Variants in FBXL2 observed in about 807,000 individuals in gnomAD.
FBXL2 encodes the protein F-box/LRR-repeat protein 2.
A neutral mutation model predicts 69.2 loss-of-function variants in FBXL2; 38 were observed. The observed-to-expected ratio is 0.55, with a 90% CI of 0.42 to 0.72. The LOEUF is 0.72. Ranked by LOEUF, FBXL2 falls within the 30% of genes least tolerant of loss-of-function variation. The pLI is 0.00. For missense variants in FBXL2, 354 were observed against 520.3 expected (o/e 0.68, Z 3.11); for synonymous variants, 192 against 201.3 (o/e 0.95, Z 0.39).
chr3:33,410,900 C>T, the FBXL2 span, among the ~76,000 whole-genome samples: 4 of 151,760 alleles, frequency 2.6e-5, no homozygotes, highest in Non-Finnish European at 5.9e-5. Context: ...GGTGAAACCC[C>T]CATCTCTACT....
intron 5 of FBXL2, among the ~76,000 whole-genome samples, chr3:33,369,054 AG>A (rs1473991777): frequency 7.6e-6 from 1 of 132,134 alleles, no homozygotes; most frequent in African/African-American, 2.9e-5. Flanking sequence ...TTCTTCTTTT[AG>A]ATTTTTTTTT....
intron 1 of FBXL2, among the ~76,000 whole-genome samples, chr3:33,285,844 G>A (rs189198060): frequency 3.9e-5 from 6 of 152,052 alleles, no homozygotes; most frequent in East Asian, 1.9e-4. Context: ...ACTGAAGCTT[G>A]TGCATGCATC....
At chr3:33,388,106 C>T (rs2043581722), downstream of FBXL2, 1 of 130,176 alleles carries the variant, frequency 7.7e-6, no homozygotes, top group South Asian at 2.4e-4. Context: ...GGTTTGCTTC[C>T]TTTTAAAGTC....
At position 33,372,862 on chromosome 3, in the gene FBXL2, TC is replaced by T. The variant is rs762842328; in HGVS notation, c.291-227del. On this transcript the variant is annotated intron_variant, in intron 5 of 14. Coordinates refer to ENST00000484457, the MANE Select transcript of FBXL2 (RefSeq NM_012157.5). ...TAGGACTCTGCTTCTCAAAACGTGG[TC>T]CCTAGACTAGCAGCACTGGCATCAC... The T allele has an allele frequency of 1.1e-4, 68 of 595,796 alleles. 1 individual carries two copies. Among genetic ancestry groups the T allele is most frequent in the East Asian group, 8.6e-4 (31 of 35,840 alleles). The allele number at this position is 595,796 out of a possible 1,614,324, so 36.9% of individuals were successfully genotyped here. A position where few individuals can be genotyped will look rare whatever the true frequency, so the allele number is the denominator to read the frequency against.
In FBXL2 at chr3:33,336,969, C is replaced by T. The variant is rs932215938; in HGVS notation, c.66-21998C>T. Reference sequence around the variant, plus strand: ...TCTGTAATCCTAGCACTTTGGGAGGCCGAGGTGGGCGGATTGCCTGAGCTC... The same window carrying T: ...TCTGTAATCCTAGCACTTTGGGAGGTCGAGGTGGGCGGATTGCCTGAGCTC... On this transcript the variant is annotated intron_variant, in intron 2 of 14. Transcript: ENST00000484457. Among the ~76,000 whole-genome samples, 5 of 152,088 alleles carry T rather than the reference C, an allele frequency of 3.3e-5. No homozygotes were observed. In the South Asian group the frequency reaches 1.0e-3, roughly 32 times the overall value.
intron 2 of FBXL2, among the ~76,000 whole-genome samples, chr3:33,328,233 T>C (rs763293437): frequency 2.0e-5 from 3 of 152,144 alleles, no homozygotes; most frequent in Non-Finnish European, 4.4e-5. Context: ...CATCCCATGC[T>C]CATGGATCAG....
chr3:33,406,588 G>A (rs2044433433), downstream of FBXL2, among the ~76,000 whole-genome samples: 1 of 152,214 alleles, frequency 6.6e-6, no homozygotes, highest in Admixed American at 6.5e-5. Flanking sequence ...GCATGGCAGA[G>A]TAATGTAGAA....
downstream of FBXL2, chr3:33,391,305 T>C (rs1483573526): frequency 6.6e-6 from 1 of 152,260 alleles, no homozygotes; most frequent in Non-Finnish European, 1.5e-5. Flanking sequence ...CACCTGACTT[T>C]TAAAACAGTC....
intron 12 of FBXL2, chr3:33,397,147 CA>C (rs1201866455): frequency 6.4e-7 from 1 of 1,560,510 alleles, no homozygotes; most frequent in Admixed American, 2.1e-5. Flanking sequence ...TAGAGAAGAG[CA>C]AAAATATTTT....
chr3:33,407,673 G>A (rs1349771343), downstream of FBXL2, among the ~76,000 whole-genome samples: 1 of 151,988 alleles, frequency 6.6e-6, no homozygotes, highest in Non-Finnish European at 1.5e-5. Context: ...TACTATAATT[G>A]GAAATGAGTT....
chr3:33,292,124 A>G (rs1269553957), intron 1 of FBXL2, among the ~76,000 whole-genome samples: 1 of 152,238 alleles, frequency 6.6e-6, no homozygotes, highest in Non-Finnish European at 1.5e-5. Flanking sequence ...TCATGCTTGT[A>G]ATCACAGCAC....
intron 2 of FBXL2, among the ~76,000 whole-genome samples, chr3:33,338,659 A>G (rs1286296159): frequency 6.6e-6 from 1 of 152,336 alleles, no homozygotes; most frequent in African/African-American, 2.4e-5. Context: ...CAAAGCCACC[A>G]ATAACAAGCA....
At chr3:33,410,898 C>T in the FBXL2 span, among the ~76,000 whole-genome samples, 2,114 of 151,706 alleles carry the variant, frequency 0.014, 21 homozygotes, top group South Asian at 0.026. Context: ...ATGGTGAAAC[C>T]CCCATCTCTA....
intron 1 of FBXL2, among the ~76,000 whole-genome samples, chr3:33,295,674 G>A (rs1352628497): frequency 2.6e-5 from 4 of 152,196 alleles, no homozygotes; most frequent in Non-Finnish European, 4.4e-5. Flanking sequence ...GTTTTCCAAA[G>A]TGGCTATGCC....
chr3:33,408,149 G>C (rs749652550), downstream of FBXL2, among the ~76,000 whole-genome samples: 10 of 151,964 alleles, frequency 6.6e-5, no homozygotes, highest in Non-Finnish European at 1.2e-4. Flanking sequence ...TGCCAAACAG[G>C]CTCTTAGAAG....
At chr3:33,293,961 A>C (rs1253639322) in intron 1 of FBXL2, among the ~76,000 whole-genome samples, 3 of 152,248 alleles carry the variant, frequency 2.0e-5, no homozygotes, top group Non-Finnish European at 4.4e-5. Context: ...CAGGACAGAC[A>C]TATGTAAGAC....
At chr3:33,402,992 A>T (rs933201613) in intron 12 of FBXL2, 7 of 1,141,102 alleles carry the variant, frequency 6.1e-6, no homozygotes, top group African/African-American at 1.5e-5. Flanking sequence ...AACCAAATGC[A>T]AGATTATAAA....
chr3:33,316,245 A>G (rs1020366037), intron 2 of FBXL2, among the ~76,000 whole-genome samples: 2 of 151,772 alleles, frequency 1.3e-5, no homozygotes, highest in Admixed American at 1.3e-4. Flanking sequence ...TTTAGTAGAG[A>G]TGGGGTTTCA....
chr3:33,334,365 A>G (rs78544380), intron 2 of FBXL2, among the ~76,000 whole-genome samples: 2,766 of 152,332 alleles, frequency 0.018, 32 homozygotes, highest in South Asian at 0.036. Context: ...TTCTAAAAGA[A>G]TCAAATAGAA....
Sources: allele counts gnomAD v4.1 joint callset (sites outside exome capture counted in the v4.1 genomes callset), GRCh38; gene constraint gnomAD v4.1.1; transcripts MANE v1.5; gene names NCBI Gene and HGNC (gene_info 2026-07-23, HGNC 2026-07-21).